RBFOX3: variants seen among roughly 807,000 people sequenced by gnomAD.
RBFOX3 encodes the protein RNA binding protein fox-1 homolog 3.
Under a neutral mutation model 48.7 loss-of-function variants are expected in RBFOX3, and 17 were observed. The observed-to-expected ratio is 0.35, with a 90% CI of 0.24 to 0.52. The LOEUF is 0.52. RBFOX3 is among the 20% of genes least tolerant of loss of function. The pLI is 0.94. For missense variants in RBFOX3, 382 were observed against 497.5 expected (o/e 0.77, Z 2.21); for synonymous variants, 212 against 209.5 (o/e 1.01, Z -0.10).
At chr17:79,449,795 G>T (rs2073117714) in intron 2 of RBFOX3, among the ~76,000 whole-genome samples, 1 of 152,178 alleles carries the variant, frequency 6.6e-6, no homozygotes, top group African/African-American at 2.4e-5. Flanking sequence ...AAAGGAGAGT[G>T]GTCTGGGCAG....
At chr17:79,356,376 T>TTG (rs2085114523) in intron 2 of RBFOX3, among the ~76,000 whole-genome samples, 1 of 108,272 alleles carries the variant, frequency 9.2e-6, no homozygotes, top group African/African-American at 3.7e-5. Context: ...TTTTTTTTTT[T>TTG]TTTTTTTTTT....
chr17:79,281,892 G>C (rs1236133703), intron 3 of RBFOX3, among the ~76,000 whole-genome samples: 1 of 152,170 alleles, frequency 6.6e-6, no homozygotes, highest in African/African-American at 2.4e-5. Context: ...AGCCATCATC[G>C]GGGAAACGAA....
chr17:79,538,259 C>T (rs1166813830), intron 1 of RBFOX3, among the ~76,000 whole-genome samples: 3 of 152,234 alleles, frequency 2.0e-5, no homozygotes, highest in Non-Finnish European at 4.4e-5. Flanking sequence ...TCAGGAGCAT[C>T]TGTGTGTGCC....
At chr17:79,374,667 G>A (rs991270968) in intron 2 of RBFOX3, among the ~76,000 whole-genome samples, 21 of 152,188 alleles carry the variant, frequency 1.4e-4, no homozygotes, top group African/African-American at 3.9e-4. Context: ...GCATGTTTGC[G>A]GGCTTTCTCC....
chr17:79,412,249 AGTGTATGGTGT>A (rs1171827722), intron 2 of RBFOX3, among the ~76,000 whole-genome samples: 4 of 130,550 alleles, frequency 3.1e-5, no homozygotes, highest in Non-Finnish European at 6.6e-5. Flanking sequence ...GATATGTGTG[AGTGTATGGTGT>A]GTGTATGGTA....
rs961189762 is a variant in RBFOX3 at position 79,364,520 on chromosome 17, A to G, written c.-174-56696T>C. Among the ~76,000 whole-genome samples, 4 of 152,204 alleles carry G rather than the reference A, an allele frequency of 2.6e-5. No homozygotes were observed. The highest frequency in any genetic ancestry group is 5.9e-5 in the Non-Finnish European group (4 of 68,046). ...CCAGGCATCTGATGGGTCAGTGCGCAGTTAATGAGTGTGTTGACTGCACAG... is the reference window on the plus strand; with the variant it reads ...CCAGGCATCTGATGGGTCAGTGCGCGGTTAATGAGTGTGTTGACTGCACAG... On this transcript the variant is annotated intron_variant, in intron 2 of 14. Coordinates refer to ENST00000693108, the MANE Select transcript of RBFOX3 (RefSeq NM_001350451.2). The surrounding 1 kb of genome is among the most constrained non-coding windows in gnomAD (Gnocchi z 5.1).
chr17:79,198,570 C>T lies in RBFOX3; in HGVS notation c.-34+37196G>A, dbSNP rs1234675998. On this transcript the variant is annotated intron_variant, in intron 4 of 14. Coordinates refer to ENST00000693108, the MANE Select transcript of RBFOX3 (RefSeq NM_001350451.2). The surrounding 1 kb of genome is among the most constrained non-coding windows in gnomAD (Gnocchi z 8.2). The stretch of plus-strand genomic sequence containing the variant: ...AGGATGTATTGCCCATGCCACTCGT[C>T]ACTCTGATAGGACTTTTAGAGATGT... Among the ~76,000 whole-genome samples, 1 of 152,076 alleles carries T rather than the reference C, an allele frequency of 6.6e-6. No individual in the cohort carries two copies. Among genetic ancestry groups the T allele is most frequent in the East Asian group, 1.9e-4 (1 of 5,196 alleles).
At chr17:79,425,721 GC>G (rs2067232429) in intron 2 of RBFOX3, among the ~76,000 whole-genome samples, 1 of 152,172 alleles carries the variant, frequency 6.6e-6, no homozygotes, top group South Asian at 2.1e-4. Context: ...GACTTAGAAG[GC>G]GGCAAGAGCA....
At chr17:79,601,896 A>T (rs2093712712) in intron 1 of RBFOX3, 1 of 152,204 alleles carries the variant, frequency 6.6e-6, no homozygotes, top group Admixed American at 6.5e-5. Flanking sequence ...CAGCCTGGGC[A>T]AGTCAGGAAA....
chr17:79,320,121 T>G (rs1056690671), intron 2 of RBFOX3, among the ~76,000 whole-genome samples: 3 of 152,196 alleles, frequency 2.0e-5, no homozygotes, highest in Non-Finnish European at 4.4e-5. Flanking sequence ...TTTGGTGGCA[T>G]GTGGGAGGCT....
intron 3 of RBFOX3, among the ~76,000 whole-genome samples, chr17:79,289,935 A>G (rs58661695): frequency 0.08 from 12,133 of 152,238 alleles, 976 homozygotes; most frequent in African/African-American, 0.2. Context: ...CTCCAACCCT[A>G]CCCCTAAAAT....
the RBFOX3 span, among the ~76,000 whole-genome samples, chr17:79,618,276 C>T: frequency 2.6e-5 from 4 of 152,168 alleles, no homozygotes; most frequent in South Asian, 2.1e-4. Flanking sequence ...CCAGTGTCTC[C>T]GGGAACAGGC....
At chr17:79,577,402 G>A (rs1365217925) in intron 1 of RBFOX3, among the ~76,000 whole-genome samples, 6 of 152,136 alleles carry the variant, frequency 3.9e-5, no homozygotes, top group African/African-American at 1.4e-4. Flanking sequence ...TCACACGCAC[G>A]GGCAGACTCA....
Position 79,242,361 on chromosome 17 carries a change from T to C in RBFOX3, c.-73-6556A>G, listed in dbSNP as rs1299030698. Among the ~76,000 whole-genome samples the C allele has an allele frequency of 6.6e-6, 1 of 151,972 alleles. No homozygotes were observed. The highest frequency in any genetic ancestry group is 2.4e-5 in the African/African-American group (1 of 41,352). On this transcript the variant is annotated intron_variant, in intron 3 of 14. Transcript: ENST00000693108. This position sits in a 1 kb window ranked among gnomAD's most constrained non-coding sequence, Gnocchi z 5.8. The stretch of plus-strand genomic sequence containing the variant: ...CTCTTTCCCTAAGGGGAGCTGGAGG[T>C]GAAGGGTGCAATTTTATAAATCACT...
chr17:79,611,128 CCTT>C (rs1268671156), upstream of RBFOX3, among the ~76,000 whole-genome samples: 61 of 45,270 alleles, frequency 1.3e-3, 25 homozygotes, highest in South Asian at 0.039. Flanking sequence ...TCTCCGCCCT[CCTT>C]CTCTCTCTCT....
At chr17:79,526,828 T>C (rs996480548) in intron 1 of RBFOX3, among the ~76,000 whole-genome samples, 1 of 152,270 alleles carries the variant, frequency 6.6e-6, no homozygotes, top group Non-Finnish European at 1.5e-5. Flanking sequence ...ATACCCACTT[T>C]GGGTGAGGGA....
At chr17:79,105,792 AG>A (rs1438007879) in intron 6 of RBFOX3, among the ~76,000 whole-genome samples, 2 of 152,110 alleles carry the variant, frequency 1.3e-5, no homozygotes. Context: ...CGTGGCAGGC[AG>A]GCGGAAGAGA....
At chr17:79,613,689 A>G (rs1348315280), upstream of RBFOX3, among the ~76,000 whole-genome samples, 2 of 152,142 alleles carry the variant, frequency 1.3e-5, no homozygotes, top group African/African-American at 4.8e-5. Flanking sequence ...AATTTTAAAA[A>G]GGGGCTGGGC....
intron 4 of RBFOX3, among the ~76,000 whole-genome samples, chr17:79,190,295 T>C (rs2054204769): frequency 6.6e-6 from 1 of 151,356 alleles, no homozygotes; most frequent in Non-Finnish European, 1.5e-5. Context: ...CCTTTAATCC[T>C]AGCTACTCGG....
Sources: allele counts gnomAD v4.1 joint callset (sites outside exome capture counted in the v4.1 genomes callset), GRCh38; gene constraint gnomAD v4.1.1; non-coding constraint Gnocchi (gnomAD v3.1); transcripts MANE v1.5; gene names NCBI Gene and HGNC (gene_info 2026-07-23, HGNC 2026-07-21).